UPF1: variants seen among roughly 807,000 people sequenced by gnomAD.
UPF1 encodes the protein UPF1 RNA helicase and ATPase, also known as regulator of nonsense transcripts 1.
A neutral mutation model predicts 129.2 loss-of-function variants in UPF1; 9 were observed. The ratio of observed to expected loss-of-function variants is 0.07; its 90% CI spans 0.04 to 0.12. The LOEUF (loss-of-function observed/expected upper bound fraction) is 0.12. Among genes scored for constraint, UPF1 ranks in the 10% least tolerant of loss-of-function variants. The pLI is 1.00. For synonymous variants in UPF1, 649 were observed against 644.9 expected, an observed-to-expected ratio of 1.01 and a Z score of -0.10; for missense variants, 788 against 1,525.3, an observed-to-expected ratio of 0.52 and a Z score of 8.05.
intron 3 of UPF1, chr19:18,848,062 G>C (rs1400558084): frequency 2.2e-6 from 1 of 462,804 alleles, no homozygotes; most frequent in Non-Finnish European, 3.9e-6. Context: ...AGTAGGGTTG[G>C]CTTAATTCTC....
intron 18 of UPF1, 194 bp from the exon 19 acceptor site, chr19:18,863,244 A>T (rs991532979): frequency 4.4e-5 from 29 of 654,404 alleles, no homozygotes; most frequent in Admixed American, 2.6e-5. Context: ...CACAAAATCA[A>T]CCCGTGTGCA....
rs564193769 is a variant in UPF1 at position 18,867,271 on chromosome 19, T to C, written c.*754T>C. 8.6e-5 allele frequency: 13 copies of C among 150,816 alleles called. No homozygotes were observed. Among genetic ancestry groups the C allele is most frequent in the African/African-American group, 3.1e-4 (13 of 41,486 alleles). The allele number at this position is 150,816 out of a possible 1,614,324, so 9.3% of individuals were successfully genotyped here. A position where few individuals can be genotyped will look rare whatever the true frequency, so the allele number is the denominator to read the frequency against. ...TGGTTTTAGCTTCCAGTGGCTTCTT[T>C]CTGCGGGGCATCAGGCTGCTGGGGT... is the stretch of plus-strand genomic sequence containing the variant. On this transcript the variant is annotated 3_prime_UTR_variant, in exon 24 of 24. Transcript: ENST00000262803.
In UPF1 at chr19:18,867,613, T is replaced by C. The variant is rs1045834266; in HGVS notation, c.*1096T>C. 1 of 152,520 alleles carries C rather than the reference T, an allele frequency of 6.6e-6. No individual in the cohort carries two copies. Among genetic ancestry groups the C allele is most frequent in the African/African-American group, 2.4e-5 (1 of 41,446 alleles). The allele number at this position is 152,520 out of a possible 1,614,324, so 9.4% of individuals were successfully genotyped here. The stretch of plus-strand genomic sequence containing the variant: ...AGCGCTGCACACCGAAAGCCCAAAT[T>C]GGGAGCTCTGCCTGCCGGCAACTTT... On this transcript the variant is annotated 3_prime_UTR_variant, in exon 24 of 24. Coordinates refer to ENST00000262803, the MANE Select transcript of UPF1 (RefSeq NM_002911.4).
rs1254602296 is a variant in UPF1 at position 18,865,984 on chromosome 19, C to T, written c.3238-60C>T. ...TTCTTTTCTCTGGGGCTGCTGAGGG[C>T]TGGGTGGATGTGAGCACCCTTGGCC... is the stretch of plus-strand genomic sequence containing the variant. On this transcript the variant is annotated intron_variant, in intron 22 of 23. Coordinates refer to ENST00000262803, the MANE Select transcript of UPF1 (RefSeq NM_002911.4). The surrounding 1 kb of genome is among the most constrained non-coding windows in gnomAD (Gnocchi z 6.1). 6.2e-7 allele frequency: 1 copy of T among 1,607,280 alleles called. No homozygotes were observed. The highest frequency in any genetic ancestry group is 1.3e-5 in the African/African-American group (1 of 74,438).
Position 18,832,111 on chromosome 19 carries a change from G to A in UPF1, c.-99G>A. ...TGGTCCTTTCCGGGCGCGCGGGGGC[G>A]ACAGCGGCAGCGACCCGAGGCCTGC... On this transcript the variant is annotated 5_prime_UTR_variant, in exon 1 of 24. Coordinates refer to ENST00000262803, the MANE Select transcript of UPF1 (RefSeq NM_002911.4). This position sits in a 1 kb window ranked among gnomAD's most constrained non-coding sequence, Gnocchi z 5.6. The A allele has an allele frequency of 4.3e-6, 5 of 1,168,880 alleles. No individual in the cohort carries two copies. Among genetic ancestry groups the A allele is most frequent in the Non-Finnish European group, 5.5e-6 (5 of 901,964 alleles). The allele number at this position is 1,168,880 out of a possible 1,614,324, so 72.4% of individuals were successfully genotyped here. A position where few individuals can be genotyped will look rare whatever the true frequency, so the allele number is the denominator to read the frequency against.
intron 1 of UPF1, among the ~76,000 whole-genome samples, chr19:18,836,496 AG>A (rs1208689591): frequency 2.0e-5 from 3 of 152,234 alleles, no homozygotes; most frequent in African/African-American, 7.2e-5. Flanking sequence ...GCTAGCCTGC[AG>A]CAATAGAAAG....
chr19:18,857,558 G>A (rs780323186), intron 15 of UPF1, 25 bp downstream of exon 15: 5 of 1,573,880 alleles, frequency 3.2e-6, no homozygotes, highest in South Asian at 1.2e-5. Context: ...CCCAGGGCAG[G>A]GGCTTCTACA....
rs192635728 is a variant in UPF1, at chr19:18,848,517, C to G, written c.461+684C>G. On this transcript the variant is annotated intron_variant, in intron 3 of 23. Transcript: ENST00000262803. ...CACTGCTGGAGAGGATGGAGCAGAG[C>G]CTGGGAGGCAGAGCTCCGAGGTGCT... 2.1e-4 allele frequency: 32 copies of G among 152,332 alleles called. 1 individual carries two copies. The highest frequency in any genetic ancestry group is 7.5e-4 in the African/African-American group (31 of 41,542). The allele number at this position is 152,332 out of a possible 1,614,324, so 9.4% of individuals were successfully genotyped here.
At chr19:18,864,945 G>T (rs2055825859) in intron 20 of UPF1, among the ~76,000 whole-genome samples, 1 of 151,396 alleles carries the variant, frequency 6.6e-6, no homozygotes, top group Non-Finnish European at 1.5e-5. Context: ...CGCCATGTTG[G>T]CCTGGCTGGT....
At chr19:18,860,081 G>T (rs1568281397) in intron 15 of UPF1, 1 of 512,136 alleles carries the variant, frequency 2.0e-6, no homozygotes, top group Non-Finnish European at 3.5e-6. Flanking sequence ...CCCTGTTCAG[G>T]GGCTGAGCCA....
chr19:18,866,435 C>T (rs2145976913), intron 23 of UPF1, 86 bp from the exon 24 acceptor site: 1 of 442,838 alleles, frequency 2.3e-6, no homozygotes, highest in South Asian at 3.1e-5. Flanking sequence ...GCAGCTCGGG[C>T]TCTCCCTCAC....
In UPF1 at chr19:18,863,631, C is replaced by T. The variant is rs769519546; in HGVS notation, c.2775+19C>T. ...CAACCCGGTGAGCGCCTGCACAGGA[C>T]AGCAGGGCAGCACGGAGAAACCCGG... On this transcript the variant is annotated intron_variant, in intron 19 of 23. Coordinates refer to ENST00000262803, the MANE Select transcript of UPF1 (RefSeq NM_002911.4). 3.7e-6 allele frequency: 6 copies of T among 1,603,936 alleles called. No homozygotes were observed. Among genetic ancestry groups the T allele is most frequent in the Middle Eastern group, 3.7e-4 (2 of 5,450 alleles).
chr19:18,843,629 C>T (rs2055565779), intron 1 of UPF1, among the ~76,000 whole-genome samples: 1 of 150,014 alleles, frequency 6.7e-6, no homozygotes, highest in African/African-American at 2.5e-5. Context: ...AGCGATTCTC[C>T]TGCACGGGGA....
In UPF1 at chr19:18,865,685, C is replaced by G. The variant is rs1365104246; in HGVS notation, c.3144C>G (p.Pro1048=). ...SQASQDVASQ[P]FSQGALTQGY... ...CCAGCCAGGATGTGGCGTCACAGCC[C>G]TTCTCTCAGGGCGCCCTGACGCAGG... The change falls in exon 22 of 24, where the codon CCC becomes CCG. Residue 1048 remains proline, a synonymous_variant. Coordinates refer to ENST00000262803, the MANE Select transcript of UPF1 (RefSeq NM_002911.4). The surrounding 1 kb of genome is among the most constrained non-coding windows in gnomAD (Gnocchi z 6.1). The G allele has an allele frequency of 6.2e-7, 1 of 1,613,896 alleles. No individual in the cohort carries two copies. Among genetic ancestry groups the G allele is most frequent in the Non-Finnish European group, 8.5e-7 (1 of 1,180,040 alleles).
intron 18 of UPF1, chr19:18,863,104 C>T (rs1286443000): frequency 1.6e-5 from 4 of 255,332 alleles, no homozygotes; most frequent in South Asian, 7.6e-5. Flanking sequence ...GTCAGTGCCC[C>T]GGCCTGCTGG....
At chr19:18,866,249 G>A in intron 23 of UPF1, 83 bp downstream of exon 23, 3 of 1,453,240 alleles carry the variant, frequency 2.1e-6, no homozygotes, top group South Asian at 1.4e-5. Flanking sequence ...GAGCTGCACT[G>A]GAGGGGTGGT....
At chr19:18,866,281 C>T (rs1485708280) in intron 23 of UPF1, 115 bp downstream of exon 23, 1 of 1,406,356 alleles carries the variant, frequency 7.1e-7, no homozygotes, top group African/African-American at 1.5e-5. Flanking sequence ...TGTGCTGTGC[C>T]TGGTGGGGGT....
chr19:18,861,649 G>C (rs1020288866), intron 17 of UPF1, among the ~76,000 whole-genome samples: 1 of 152,076 alleles, frequency 6.6e-6, no homozygotes, highest in African/African-American at 2.4e-5. Flanking sequence ...CCTGGGCAAC[G>C]TAGGGAGACC....
chr19:18,832,927 C>T lies in UPF1; in HGVS notation c.231+487C>T, dbSNP rs1360990040. 6.6e-6 allele frequency among the ~76,000 whole-genome samples: 1 copy of T among 152,112 alleles called. No individual in the cohort carries two copies. The highest frequency in any genetic ancestry group is 2.1e-4 in the South Asian group (1 of 4,832). ...CTGCCCTGGTCCCTCTTTCGCAGGT[C>T]TCGGTATTCTGCCTCGAGTTCTCCT... is the stretch of plus-strand genomic sequence containing the variant. On this transcript the variant is annotated intron_variant, in intron 1 of 23. Coordinates refer to ENST00000262803, the MANE Select transcript of UPF1 (RefSeq NM_002911.4). The surrounding 1 kb of genome is among the most constrained non-coding windows in gnomAD (Gnocchi z 5.6).
Sources: gnomAD v4.1 joint callset for allele counts (sites outside exome capture counted in the v4.1 genomes callset) on GRCh38, gnomAD v4.1.1 for gene constraint, Gnocchi (gnomAD v3.1) non-coding constraint, MANE v1.5 for transcripts, NCBI Gene and HGNC (gene_info 2026-07-23, HGNC 2026-07-21) for gene names.